GALK1: variants seen among roughly 807,000 people sequenced by gnomAD.
GALK1 encodes the protein galactokinase 1, also known as galactokinase.
In GALK1, 30 loss-of-function variants were observed where a neutral mutation model predicts 38.6. The ratio of observed to expected loss-of-function variants is 0.78; its 90% CI spans 0.58 to 1.05. The LOEUF (loss-of-function observed/expected upper bound fraction) is 1.05, where lower values mean the gene tolerates loss of function less well. Ranked by LOEUF, GALK1 falls within the 50% of genes least tolerant of loss-of-function variation. The pLI is 0.00. For missense variants in GALK1, 512 were observed against 540.5 expected, an observed-to-expected ratio of 0.95 and a Z score of 0.52; for synonymous variants, 240 against 233.6, an observed-to-expected ratio of 1.03 and a Z score of -0.25.
downstream of GALK1, chr17:75,754,968 A>G: frequency 1.3e-6 from 2 of 1,537,968 alleles, no homozygotes; most frequent in East Asian, 2.3e-5. Context: ...ACACGCATGC[A>G]CACATGTACA....
chr17:75,756,779 A>G, downstream of GALK1: 3 of 1,612,814 alleles, frequency 1.9e-6, no homozygotes, highest in Admixed American at 1.7e-5. Flanking sequence ...GACTCGCTGC[A>G]GCTGAGCTGG....
At chr17:75,752,994 T>C (rs2061402733), downstream of GALK1, among the ~76,000 whole-genome samples, 1 of 152,226 alleles carries the variant, frequency 6.6e-6, no homozygotes, top group South Asian at 2.1e-4. Context: ...TCCTCCTTGA[T>C]TCCCAGCACA....
chr17:75,755,336 G>A, downstream of GALK1: 1 of 1,042,944 alleles, frequency 9.6e-7, no homozygotes, highest in Non-Finnish European at 1.4e-6. Flanking sequence ...ACCCCCGCCT[G>A]CCCACAGGCG....
intron 5 of GALK1, 48 bp downstream of exon 5, chr17:75,762,656 G>C: frequency 1.2e-6 from 2 of 1,601,970 alleles, no homozygotes; most frequent in Non-Finnish European, 1.7e-6. Flanking sequence ...TGAGGCGCCA[G>C]CAGGGAGCAC....
In GALK1 at chr17:75,763,100, G is replaced by C. The variant is rs1452282837; in HGVS notation, c.525C>G (p.His175Gln). The change falls in exon 4 of 8, where the codon CAC becomes CAG. Residue 175 changes from histidine (H) to glutamine (Q), a missense_variant. Physicochemically the swap from His to Gln is conservative, Grantham distance 24 (BLOSUM62 0). Transcript: ENST00000588479. ...ARAQVCQQAE[H>Q]SFAGMPCGIM... is the part of the protein sequence containing the mutation. ...TGCCACAGGGCATCCCTGCGAAGCT[G>C]TGCTCGGCCTGCTGACACACCTGGG... 6.2e-7 allele frequency: 1 copy of C among 1,612,606 alleles called. No individual in the cohort carries two copies. The highest frequency in any genetic ancestry group is 1.7e-5 in the Admixed American group (1 of 60,026).
At chr17:75,752,085 G>A in intron 8 of GALK1, 1 of 1,398,824 alleles carries the variant, frequency 7.1e-7, no homozygotes, top group Non-Finnish European at 1.0e-6. Flanking sequence ...TGCCATCCAG[G>A]GGATGCACGG....
chr17:75,763,779 G>C, intron 2 of GALK1, 118 bp downstream of exon 2: 1 of 1,041,178 alleles, frequency 9.6e-7, no homozygotes, highest in South Asian at 1.4e-5. Flanking sequence ...TCTGTACAAT[G>C]GGATGCTCCA....
At chr17:75,754,845 C>G (rs753021965), downstream of GALK1, 1 of 1,613,898 alleles carries the variant, frequency 6.2e-7, no homozygotes, top group Middle Eastern at 1.6e-4. Context: ...CCTGCCTCTC[C>G]CACTAACCCT....
downstream of GALK1, chr17:75,754,987 C>G (rs2061460154): frequency 6.5e-7 from 1 of 1,540,202 alleles, no homozygotes. Context: ...CACAGACATG[C>G]ATGCGCACAC....
chr17:75,753,674 CCCCTCGCAGAGCCTACGGCCTT>C, downstream of GALK1: 3 of 844,008 alleles, frequency 3.6e-6, no homozygotes, highest in Non-Finnish European at 4.7e-6. Context: ...GAGACGGGCT[CCCCTCGCAGAGCCTACGGCCTT>C]CCCCCGCCTG....
chr17:75,763,297 C>T (rs1361738580), intron 3 of GALK1, 23 bp downstream of exon 3: 1 of 1,613,838 alleles, frequency 6.2e-7, no homozygotes, highest in Non-Finnish European at 8.5e-7. Flanking sequence ...AGGGCTGGGT[C>T]AGGGCTGGGG....
At chr17:75,755,052 T>G (rs770892811), downstream of GALK1, 1 of 1,595,550 alleles carries the variant, frequency 6.3e-7, no homozygotes, top group Non-Finnish European at 8.5e-7. Context: ...TGTCCTGCCC[T>G]AGGCCTCCCT....
downstream of GALK1, chr17:75,754,954 G>GTGCACACGCA: frequency 1.6e-6 from 2 of 1,260,860 alleles, no homozygotes; most frequent in East Asian, 5.0e-5. Context: ...ACGCACACAC[G>GTGCACACGCA]TGCACACGCA....
chr17:75,756,745 C>T (rs747613058), downstream of GALK1: 7 of 1,612,960 alleles, frequency 4.3e-6, no homozygotes, highest in African/African-American at 5.3e-5. Context: ...CCCAGGCCCG[C>T]TGGTGTTCAC....
In GALK1 at chr17:75,757,900, G is replaced by T; in HGVS notation, c.*156C>A. ...GCGGTTCTGACATCCCCCATTCTCTGACACCCAAGCATACACCCACCTCTA... is the reference window on the plus strand; with the variant it reads ...GCGGTTCTGACATCCCCCATTCTCTTACACCCAAGCATACACCCACCTCTA... On this transcript the variant is annotated 3_prime_UTR_variant, in exon 8 of 8. Transcript: ENST00000588479. The T allele has an allele frequency of 1.2e-6, 1 of 856,468 alleles. No individual in the cohort carries two copies. Among genetic ancestry groups the T allele is most frequent in the African/African-American group, 1.7e-5 (1 of 60,098 alleles). The allele number at this position is 856,468 out of a possible 1,614,324, so 53.1% of individuals were successfully genotyped here.
At position 75,765,092 on chromosome 17, in the gene GALK1, C is replaced by A; in HGVS notation, c.45G>T (p.Glu15Asp). Residue 15 changes from glutamate (E) to aspartate (D), a missense_variant, in exon 1 of 8, where the codon GAG (glutamate) becomes GAT (aspartate). By Grantham distance (45) the Glu-to-Asp change is conservative. Coordinates refer to ENST00000588479, the MANE Select transcript of GALK1 (RefSeq NM_000154.2). ...RQPQVAELLA[E>D]ARRAFREEFG... is the part of the protein sequence containing the mutation. The stretch of plus-strand genomic sequence containing the variant: ...ACTCCTCCCGGAAGGCTCGCCGGGC[C>A]TCGGCCAGCAGCTCCGCGACCTGGG... The A allele has an allele frequency of 6.3e-7, 1 of 1,592,528 alleles. No individual in the cohort carries two copies. Among genetic ancestry groups the A allele is most frequent in the East Asian group, 2.3e-5 (1 of 43,872 alleles).
chr17:75,764,054 G>C lies in GALK1; in HGVS notation c.198C>G (p.Ser66Arg). 6.3e-7 allele frequency: 1 copy of C among 1,594,528 alleles called. No individual in the cohort carries two copies. The highest frequency in any genetic ancestry group is 8.5e-7 in the Non-Finnish European group (1 of 1,172,860). The change falls in exon 2 of 8, where the codon AGC becomes AGG. Residue 66 changes from serine to arginine, a missense_variant. Physicochemically the swap from Ser to Arg is moderately radical, Grantham distance 110 (BLOSUM62 -1). Transcript: ENST00000588479. The part of the protein sequence containing the change: ...ALELMTVLVG[S>R]PRKDGLVSLL... ...GAGACACCAGCCCATCCTTGCGGGG[G>C]CTGCCCACCAGCACCGTCATGAGCT... is the stretch of plus-strand genomic sequence containing the variant.
downstream of GALK1, chr17:75,757,116 CTG>C: frequency 6.2e-7 from 1 of 1,612,966 alleles, no homozygotes; most frequent in Non-Finnish European, 8.5e-7. Flanking sequence ...AGGTAGGCAC[CTG>C]TCCTTTCCTT....
chr17:75,757,851 G>GT (rs1450901171), downstream of GALK1: 3 of 679,254 alleles, frequency 4.4e-6, no homozygotes, highest in South Asian at 5.4e-5. Flanking sequence ...TGGGGCCTGA[G>GT]AGGTGCTCCC....
Sources: allele counts gnomAD v4.1 joint callset (sites outside exome capture counted in the v4.1 genomes callset), GRCh38; gene constraint gnomAD v4.1.1; transcripts MANE v1.5; gene names NCBI Gene and HGNC (gene_info 2026-07-23, HGNC 2026-07-21).